The following SLC25A45 variants were observed in gnomAD, a reference collection of about 807,000 sequenced individuals.
SLC25A45 encodes methylated amino-acid transporter SLC25A45.
SLC25A45 carries 22 observed loss-of-function variants against 23.0 expected under a neutral mutation model. The observed-to-expected ratio is 0.95, with a 90% CI of 0.68 to 1.36. SLC25A45 has a LOEUF of 1.36. SLC25A45 is among the 40% of genes most tolerant of loss of function. The probability of loss-of-function intolerance (pLI) is 0.00; values close to 1 mark genes in which losing one functional copy is unlikely to be tolerated. For missense variants in SLC25A45, 355 were observed against 383.5 expected, an observed-to-expected ratio of 0.93 and a Z score of 0.62; for synonymous variants, 136 against 155.0, an observed-to-expected ratio of 0.88 and a Z score of 0.91.
At position 65,376,564 on chromosome 11, in the gene SLC25A45, C is replaced by T; in HGVS notation, c.710G>A (p.Arg237Lys). ...SRMQMDGLRR[R>K]VYQGMLDCMV... ...GCAGTCCAGCATCCCCTGGTACACT[C>T]TGCGTCTCAGTCCATCCATCTGCAT... The change falls in exon 7 of 7, where the codon AGA (arginine) becomes AAA (lysine). Residue 237 changes from arginine to lysine, a missense_variant. Physicochemically the swap from Arg to Lys is conservative, Grantham distance 26. Transcript: ENST00000398802. The T allele has an allele frequency of 6.2e-7, 1 of 1,614,164 alleles. No individual in the cohort carries two copies. Among genetic ancestry groups the T allele is most frequent in the Non-Finnish European group, 8.5e-7 (1 of 1,180,006 alleles).
At chr11:65,380,637 T>C (rs1399449220) in intron 2 of SLC25A45, 2 of 1,289,116 alleles carry the variant, frequency 1.6e-6, no homozygotes, top group Admixed American at 2.3e-5. Context: ...AGGGCCCTGA[T>C]GGGGGTCATG....
At position 65,376,066 on chromosome 11, in the gene SLC25A45, T is replaced by G; in HGVS notation, c.*341A>C. ...GCCTGGGTGACAGAGAAAGACTCCA[T>G]CTCAAAAAAAAAAAAAAAAAAAAAA... is the stretch of plus-strand genomic sequence containing the variant. On this transcript the variant is annotated 3_prime_UTR_variant, in exon 7 of 7. Coordinates refer to ENST00000398802, the MANE Select transcript of SLC25A45 (RefSeq NM_182556.4). 9.9e-6 allele frequency: 2 copies of G among 201,892 alleles called. No individual in the cohort carries two copies. Among genetic ancestry groups the G allele is most frequent in the South Asian group, 6.1e-5 (1 of 16,264 alleles). The allele number at this position is 201,892 out of a possible 1,614,324, so 12.5% of individuals were successfully genotyped here.
chr11:65,376,449 G>A lies in SLC25A45; in HGVS notation c.825C>T (p.Val275=), dbSNP rs1855178380. 69 of 1,614,190 alleles carry A rather than the reference G, an allele frequency of 4.3e-5. No homozygotes were observed. The highest frequency in any genetic ancestry group is 5.8e-5 in the Non-Finnish European group (69 of 1,180,008). Residue 275 remains valine (V), a synonymous_variant, in exon 7 of 7, where the codon GTC becomes GTT. Coordinates refer to ENST00000398802, the MANE Select transcript of SLC25A45 (RefSeq NM_182556.4). ...NSARAFPVNA[V]TFLSYEYLLR... ...GGAGATATTCGTAGCTGAGGAAGGT[G>A]ACAGCATTGACGGGAAAGGCGCGGG...
In SLC25A45 at chr11:65,376,595, A is replaced by T. The variant is rs1225532458; in HGVS notation, c.679T>A (p.Ser227Thr). 1 of 1,613,962 alleles carries T rather than the reference A, an allele frequency of 6.2e-7. No individual in the cohort carries two copies. Among genetic ancestry groups the T allele is most frequent in the African/African-American group, 1.3e-5 (1 of 74,892 alleles). Residue 227 changes from serine (S) to threonine (T), a missense_variant, in exon 7 of 7, where the codon TCC becomes ACC. Physicochemically the swap from Ser to Thr is moderately conservative, Grantham distance 58. Transcript: ENST00000398802. ...CTCAGTCCATCCATCTGCATCCGGGACTTGATCATGTCTAAGGGCGTGGCT... is the reference window on the plus strand; with the variant it reads ...CTCAGTCCATCCATCTGCATCCGGGTCTTGATCATGTCTAAGGGCGTGGCT... ...VAATPLDMIK[S>T]RMQMDGLRRR...
chr11:65,382,401 T>G lies in SLC25A45; in HGVS notation c.-19+85A>C, dbSNP rs590601. ...CACAGAGAGAGGCCGGGTGCGGAGG[T>G]AGCGTGGCCACCAGGGGGTAGGCCC... On this transcript the variant is annotated intron_variant, in intron 1 of 6. Coordinates refer to ENST00000398802, the MANE Select transcript of SLC25A45 (RefSeq NM_182556.4). The surrounding 1 kb of genome is among the most constrained non-coding windows in gnomAD (Gnocchi z 4.4). The G allele has an allele frequency of 0.99, 197,126 of 199,592 alleles. 97,404 individuals carry two copies. Among genetic ancestry groups the G allele is most frequent in the East Asian group, 1 (8,500 of 8,500 alleles). 12.4% of individuals were successfully genotyped at this position (199,592 alleles called of 1,614,324 possible). A position where few individuals can be genotyped will look rare whatever the true frequency, so the allele number is the denominator to read the frequency against.
intron 5 of SLC25A45, chr11:65,377,347 G>A: frequency 7.5e-7 from 1 of 1,331,282 alleles, no homozygotes; most frequent in Non-Finnish European, 9.6e-7. Flanking sequence ...CCTACAGCAG[G>A]CACTCAGAAC....
Position 65,376,608 on chromosome 11 carries a change from T to C in SLC25A45, c.666A>G (p.Leu222=), listed in dbSNP as rs1483136405. Residue 222 remains leucine, a synonymous_variant, in exon 7 of 7, where the codon TTA becomes TTG. Transcript: ENST00000398802. The stretch of plus-strand genomic sequence containing the variant: ...TCTGCATCCGGGACTTGATCATGTC[T>C]AAGGGCGTGGCTGCCACCCAGGAAG... ...GIASWVAATP[L]DMIKSRMQMD... is the part of the protein sequence containing the mutation. 4.3e-6 allele frequency: 7 copies of C among 1,613,960 alleles called. No homozygotes were observed. Among genetic ancestry groups the C allele is most frequent in the Non-Finnish European group, 5.9e-6 (7 of 1,180,006 alleles).
Position 65,376,483 on chromosome 11 carries a change from A to G in SLC25A45, c.791T>C (p.Ile264Thr), listed in dbSNP as rs763803097. 1.2e-6 allele frequency: 2 copies of G among 1,614,170 alleles called. No homozygotes were observed. The highest frequency in any genetic ancestry group is 2.2e-5 in the South Asian group (2 of 91,082). Reference protein sequence around the residue: ...GLGVFFRGVTINSARAFPVNA... With the variant: ...GLGVFFRGVTTNSARAFPVNA... ...GACGGGAAAGGCGCGGGCACTGTTG[A>G]TGGTGACCCCCCGGAAGAAGACTCC... Residue 264 changes from isoleucine (I) to threonine (T), a missense_variant, in exon 7 of 7, where the codon ATC becomes ACC. Physicochemically the swap from Ile to Thr is moderately conservative, Grantham distance 89 (BLOSUM62 -1). Coordinates refer to ENST00000398802, the MANE Select transcript of SLC25A45 (RefSeq NM_182556.4).
intron 3 of SLC25A45, 88 bp from the exon 4 acceptor site, chr11:65,380,026 G>T: frequency 5.1e-6 from 8 of 1,582,164 alleles, no homozygotes; most frequent in Non-Finnish European, 7.0e-6. Flanking sequence ...ATGCCAACCA[G>T]CAGGAGAGGC....
chr11:65,376,405 G>C lies in SLC25A45; in HGVS notation c.*2C>G, dbSNP rs758831718. On this transcript the variant is annotated 3_prime_UTR_variant, in exon 7 of 7. Coordinates refer to ENST00000398802, the MANE Select transcript of SLC25A45 (RefSeq NM_182556.4). ...GGGGAGCTGCTGGCATTGCCGCAGG[G>C]CTCATCCCCACCAGCGGAGGAGATA... 6.2e-7 allele frequency: 1 copy of C among 1,612,518 alleles called. No homozygotes were observed. The highest frequency in any genetic ancestry group is 8.5e-7 in the Non-Finnish European group (1 of 1,178,644).
At chr11:65,380,404 C>A in intron 2 of SLC25A45, 1 of 906,638 alleles carries the variant, frequency 1.1e-6, no homozygotes, top group East Asian at 2.7e-5. Flanking sequence ...AGACCCCAGG[C>A]CCCACCTGAG....
chr11:65,378,434 T>TG (rs527385012), intron 5 of SLC25A45: 346 of 152,088 alleles, frequency 2.3e-3, no homozygotes, highest in African/African-American at 7.9e-3. Context: ...TCCAAAGAGC[T>TG]GGGGGGGCAG....
intron 5 of SLC25A45, chr11:65,378,784 G>A (rs59088766): frequency 0.03 from 4,674 of 153,482 alleles, 282 homozygotes; most frequent in African/African-American, 0.11. Flanking sequence ...ATTCAGCACC[G>A]GTTCCCACTG....
At position 65,382,145 on chromosome 11, in the gene SLC25A45, G is replaced by GA; in HGVS notation, c.-18-177_-18-176insT. The GA allele has an allele frequency of 1.6e-6, 1 of 629,250 alleles. No homozygotes were observed. The highest frequency in any genetic ancestry group is 1.8e-5 in the South Asian group (1 of 56,944). The allele number at this position is 629,250 out of a possible 1,614,324, so 39.0% of individuals were successfully genotyped here. ...CCAGTTCCGGTGACCCTGGCCACCT[G>GA]GAGGAGTCGTGCAGAGTACAGTCTC... On this transcript the variant is annotated intron_variant, in intron 1 of 6. Coordinates refer to ENST00000398802, the MANE Select transcript of SLC25A45 (RefSeq NM_182556.4). This position sits in a 1 kb window ranked among gnomAD's most constrained non-coding sequence, Gnocchi z 4.4.
At position 65,382,366 on chromosome 11, in the gene SLC25A45, G is replaced by A. The variant is rs370121694; in HGVS notation, c.-19+120C>T. The stretch of plus-strand genomic sequence containing the variant: ...TTCATCTCCACCAAGGGGCATGGCC[G>A]CCCCCATGCCACAGAGAGAGGCCGG... On this transcript the variant is annotated intron_variant, in intron 1 of 6. Coordinates refer to ENST00000398802, the MANE Select transcript of SLC25A45 (RefSeq NM_182556.4). The surrounding 1 kb of genome is among the most constrained non-coding windows in gnomAD (Gnocchi z 4.4). 4.6e-6 allele frequency: 1 copy of A among 216,942 alleles called. No homozygotes were observed. The highest frequency in any genetic ancestry group is 1.0e-4 in the East Asian group (1 of 9,676). 13.4% of individuals were successfully genotyped at this position (216,942 alleles called of 1,614,324 possible).
chr11:65,381,739 T>C (rs1855570229), intron 2 of SLC25A45, 176 bp downstream of exon 2: 1 of 709,374 alleles, frequency 1.4e-6, no homozygotes, highest in African/African-American at 1.8e-5. Flanking sequence ...GATTTTTTTG[T>C]AGAGACAGGG....
chr11:65,381,552 C>T (rs977039925), intron 2 of SLC25A45: 1 of 268,020 alleles, frequency 3.7e-6, no homozygotes, highest in Non-Finnish European at 7.4e-6. Context: ...AGCCACCATG[C>T]CCTGATTCTT....
chr11:65,381,840 C>T (rs998596635), intron 2 of SLC25A45, 75 bp downstream of exon 2: 6 of 1,588,686 alleles, frequency 3.8e-6, no homozygotes, highest in Non-Finnish European at 5.2e-6. Context: ...CTCTGCTCCT[C>T]CCATGTCACC....
At chr11:65,380,299 C>T (rs1020337257) in intron 2 of SLC25A45, 124 bp from the exon 3 acceptor site, 3 of 1,391,702 alleles carry the variant, frequency 2.2e-6, no homozygotes, top group African/African-American at 2.9e-5. Context: ...CAGACACATG[C>T]AGCCACCTTC....
Sources: gnomAD v4.1 joint callset for allele counts on GRCh38, gnomAD v4.1.1 for gene constraint, Gnocchi (gnomAD v3.1) non-coding constraint, MANE v1.5 for transcripts, NCBI Gene and HGNC (gene_info 2026-07-23, HGNC 2026-07-21) for gene names.